Variants in RAB38 observed in about 807,000 individuals in gnomAD.
RAB38 encodes ras-related protein Rab-38.
RAB38 carries 15 observed loss-of-function variants against 18.4 expected under a neutral mutation model. The observed-to-expected ratio is 0.82, with a 90% CI of 0.55 to 1.26. The LOEUF (loss-of-function observed/expected upper bound fraction) is 1.26, where lower values mean the gene tolerates loss of function less well. Among genes scored for constraint, RAB38 ranks in the 50% most tolerant of loss-of-function variants. The pLI is 0.00. For synonymous variants in RAB38, 101 were observed against 104.4 expected (o/e 0.97, Z 0.20); for missense variants, 294 against 267.4 (o/e 1.10, Z -0.69).
At chr11:87,909,872 T>C in the RAB38 span, among the ~76,000 whole-genome samples, 1 of 152,102 alleles carries the variant, frequency 6.6e-6, no homozygotes, top group Non-Finnish European at 1.5e-5. Flanking sequence ...TCTATGAACA[T>C]TCATTTACAA....
chr11:87,923,973 A>C, the RAB38 span, among the ~76,000 whole-genome samples: 2 of 148,594 alleles, frequency 1.3e-5, no homozygotes, highest in African/African-American at 4.9e-5. Context: ...AAAAAAAAAA[A>C]ACACATTTCT....
At position 88,117,712 on chromosome 11, in the gene RAB38, A is replaced by G. The variant is rs144315752; in HGVS notation, c.484-3572T>C. Among the ~76,000 whole-genome samples, 576 of 152,334 alleles carry G rather than the reference A, an allele frequency of 3.8e-3. 10 individuals carry two copies. The highest frequency in any genetic ancestry group is 0.032 in the Admixed American group (486 of 15,304). On this transcript the variant is annotated intron_variant, in intron 2 of 2. Transcript: ENST00000243662. ...CTTAGTTCCCCTACTTTCTGGTTGC[A>G]TGACCTCAGAAAAATTACTTTAACC...
At chr11:88,071,243 G>GAC in the RAB38 span, among the ~76,000 whole-genome samples, 9,585 of 148,018 alleles carry the variant, frequency 0.065, 369 homozygotes, top group African/African-American at 0.11. Context: ...ACTGGGGGAG[G>GAC]ACACACACAC....
chr11:88,096,757 C>A, the RAB38 span, among the ~76,000 whole-genome samples: 1 of 151,710 alleles, frequency 6.6e-6, no homozygotes, highest in African/African-American at 2.4e-5. Context: ...AGAAAATATT[C>A]TATTTGTGGT....
chr11:87,898,909 C>G, the RAB38 span, among the ~76,000 whole-genome samples: 1 of 151,620 alleles, frequency 6.6e-6, no homozygotes, highest in African/African-American at 2.4e-5. Flanking sequence ...CCTGTTATCA[C>G]ACTTTTAGAG....
chr11:88,004,010 A>T, the RAB38 span, among the ~76,000 whole-genome samples: 2 of 137,248 alleles, frequency 1.5e-5, no homozygotes, highest in African/African-American at 5.3e-5. Context: ...TAAAAAAGGT[A>T]TATGTACCTT....
chr11:88,169,330 A>G (rs1297302612), intron 1 of RAB38, among the ~76,000 whole-genome samples: 3 of 152,190 alleles, frequency 2.0e-5, no homozygotes, highest in Non-Finnish European at 1.5e-5. Flanking sequence ...ATATGCATAC[A>G]TTGTTTGTAT....
At chr11:87,946,443 GGTTT>G in the RAB38 span, among the ~76,000 whole-genome samples, 2 of 152,024 alleles carry the variant, frequency 1.3e-5, no homozygotes, top group Non-Finnish European at 2.9e-5. Context: ...ACAACGTGCA[GGTTT>G]GTTACATATA....
the RAB38 span, among the ~76,000 whole-genome samples, chr11:88,082,031 C>A: frequency 1.3e-5 from 2 of 151,790 alleles, no homozygotes; most frequent in Non-Finnish European, 2.9e-5. Context: ...ATTTCATTTA[C>A]GTTGCATCCG....
At chr11:88,049,263 C>T in the RAB38 span, among the ~76,000 whole-genome samples, 1 of 152,152 alleles carries the variant, frequency 6.6e-6, no homozygotes, top group Non-Finnish European at 1.5e-5. Flanking sequence ...TCCCCTGTGA[C>T]CTGCACATAA....
chr11:87,855,962 A>G, the RAB38 span, among the ~76,000 whole-genome samples: 1 of 152,196 alleles, frequency 6.6e-6, no homozygotes. Flanking sequence ...ACTTTCCAAC[A>G]TTTAGTTCGG....
intron 2 of RAB38, among the ~76,000 whole-genome samples, chr11:88,130,248 C>T (rs753875059): frequency 3.3e-5 from 5 of 152,080 alleles, no homozygotes; most frequent in Non-Finnish European, 7.4e-5. Context: ...GCTAGTTTGA[C>T]TACAGGAACA....
chr11:88,048,606 T>G, the RAB38 span, among the ~76,000 whole-genome samples: 5 of 152,300 alleles, frequency 3.3e-5, no homozygotes, highest in East Asian at 9.7e-4. Flanking sequence ...TCCTTTTTAT[T>G]AGGCCCCAAC....
the RAB38 span, among the ~76,000 whole-genome samples, chr11:88,053,219 CATATATATGGAATATATATATACACACAT>C: frequency 9.3e-6 from 1 of 107,704 alleles, no homozygotes; most frequent in Non-Finnish European, 1.8e-5. Flanking sequence ...TATATACACA[CATATATATGGAATATATATATACACACAT>C]ATATATGGAA....
the RAB38 span, among the ~76,000 whole-genome samples, chr11:87,812,694 A>G: frequency 6.6e-6 from 1 of 152,188 alleles, no homozygotes; most frequent in Admixed American, 6.5e-5. Flanking sequence ...CTTCTATTCA[A>G]CTGATCAGCA....
At chr11:88,023,204 A>G in the RAB38 span, among the ~76,000 whole-genome samples, 2 of 152,186 alleles carry the variant, frequency 1.3e-5, no homozygotes, top group East Asian at 1.9e-4. Flanking sequence ...AAAATTAAGT[A>G]AAGTTGTAAG....
the RAB38 span, among the ~76,000 whole-genome samples, chr11:88,015,645 T>A: frequency 3.9e-5 from 6 of 152,008 alleles, no homozygotes; most frequent in Non-Finnish European, 8.8e-5. Flanking sequence ...GGAAAGTGAG[T>A]TACGAAAACA....
chr11:88,030,940 G>C, the RAB38 span, among the ~76,000 whole-genome samples: 1 of 151,238 alleles, frequency 6.6e-6, no homozygotes, highest in Non-Finnish European at 1.5e-5. Flanking sequence ...GAGAATTTTA[G>C]ACCAATATCC....
At chr11:88,035,309 C>T in the RAB38 span, among the ~76,000 whole-genome samples, 1 of 152,030 alleles carries the variant, frequency 6.6e-6, no homozygotes, top group Admixed American at 6.6e-5. Context: ...CAGTCTTGTA[C>T]CTGCTTCTTT....
Sources: gnomAD v4.1 joint callset for allele counts (sites outside exome capture counted in the v4.1 genomes callset) on GRCh38, gnomAD v4.1.1 for gene constraint, MANE v1.5 for transcripts, NCBI Gene and HGNC (gene_info 2026-07-23, HGNC 2026-07-21) for gene names.